TUBGCP5: variants seen among roughly 807,000 people sequenced by gnomAD.
TUBGCP5 encodes tubulin gamma complex component 5, also known as gamma-tubulin complex component 5.
A neutral mutation model predicts 134.7 loss-of-function variants in TUBGCP5; 98 were observed. The ratio of observed to expected loss-of-function variants is 0.73; its 90% CI spans 0.62 to 0.86. TUBGCP5 has a LOEUF of 0.86. Ranked by LOEUF, TUBGCP5 falls within the 40% of genes least tolerant of loss-of-function variation. The probability of loss-of-function intolerance (pLI) is 0.00; values close to 1 mark genes in which losing one functional copy is unlikely to be tolerated. For synonymous variants in TUBGCP5, 456 were observed against 431.4 expected, an observed-to-expected ratio of 1.06 and a Z score of -0.71; for missense variants, 1,150 against 1,244.8, an observed-to-expected ratio of 0.92 and a Z score of 1.15.
rs530030789 is a variant in TUBGCP5, at chr15:23,005,042, T to C, written c.2712+390A>G. Among the ~76,000 whole-genome samples, 52 of 152,346 alleles carry C rather than the reference T, an allele frequency of 3.4e-4. 3 individuals carry two copies. In the South Asian group the frequency reaches 9.5e-3, roughly 28 times the overall value. On this transcript the variant is annotated intron_variant, in intron 19 of 22. Transcript: ENST00000615383. Reference sequence around the variant, plus strand: ...TTCTTGTTTTTAAGAAAAAAGTCTATAACCTGGCTGCATCTTCCTCCCACA... The same window carrying C: ...TTCTTGTTTTTAAGAAAAAAGTCTACAACCTGGCTGCATCTTCCTCCCACA...
chr15:23,010,627 C>A (rs2064978918), intron 14 of TUBGCP5, among the ~76,000 whole-genome samples: 1 of 152,118 alleles, frequency 6.6e-6, no homozygotes, highest in African/African-American at 2.4e-5. Context: ...CCACAAACGA[C>A]ATGGAATCCA....
chr15:23,025,059 G>A (rs1219141272), intron 8 of TUBGCP5, among the ~76,000 whole-genome samples: 2 of 152,052 alleles, frequency 1.3e-5, no homozygotes, highest in African/African-American at 4.8e-5. Flanking sequence ...ATGTCACCAT[G>A]CCTGGCTAAT....
intron 20 of TUBGCP5, 47 bp from the exon 21 acceptor site, chr15:23,003,200 C>A (rs1464485957): frequency 6.5e-7 from 1 of 1,548,266 alleles, no homozygotes; most frequent in Non-Finnish European, 8.9e-7. Flanking sequence ...TAGGTTTGGA[C>A]ACTGATACCA....
At chr15:23,033,958 C>T (rs2066450262) in intron 3 of TUBGCP5, among the ~76,000 whole-genome samples, 1 of 152,130 alleles carries the variant, frequency 6.6e-6, no homozygotes, top group Non-Finnish European at 1.5e-5. Flanking sequence ...TGTGGGAATG[C>T]ATTAACTCAG....
At chr15:23,037,271 G>T in intron 1 of TUBGCP5, 119 bp from the exon 2 acceptor site, 1 of 947,150 alleles carries the variant, frequency 1.1e-6, no homozygotes. Context: ...CCAGAATGGA[G>T]TGTACCTTGT....
At chr15:23,030,314 C>T (rs964289226) in intron 6 of TUBGCP5, among the ~76,000 whole-genome samples, 2 of 152,122 alleles carry the variant, frequency 1.3e-5, no homozygotes, top group African/African-American at 4.8e-5. Flanking sequence ...ATAAAAAAGT[C>T]TGTCTGTTTC....
intron 23 of TUBGCP5, among the ~76,000 whole-genome samples, chr15:22,991,057 A>G (rs2063829509): frequency 6.6e-6 from 1 of 152,156 alleles, no homozygotes. Flanking sequence ...GTAATGTGTT[A>G]CAGCAGCCAC....
chr15:23,026,840 C>T (rs906486009), intron 7 of TUBGCP5, among the ~76,000 whole-genome samples: 5 of 151,970 alleles, frequency 3.3e-5, no homozygotes, highest in South Asian at 4.2e-4. Flanking sequence ...GGCTGAAGGA[C>T]GACAATTGCT....
chr15:23,026,047 T>C (rs2065963049), intron 8 of TUBGCP5, 69 bp downstream of exon 8: 4 of 1,328,866 alleles, frequency 3.0e-6, no homozygotes, highest in Non-Finnish European at 4.2e-6. Context: ...AAAGTTTCCT[T>C]TAATAAAAGT....
chr15:23,012,153 C>G (rs10162894), intron 13 of TUBGCP5, among the ~76,000 whole-genome samples: 26,302 of 149,636 alleles, frequency 0.18, 3,285 homozygotes, highest in East Asian at 0.5. Context: ...TCCTAATCAG[C>G]ACACTTGAAA....
rs2065143427 is a variant in TUBGCP5, at chr15:23,013,359, A to C, written c.1757-2028T>G. On this transcript the variant is annotated intron_variant, in intron 13 of 22. Coordinates refer to ENST00000615383, the MANE Select transcript of TUBGCP5 (RefSeq NM_052903.6). The surrounding 1 kb of genome is among the most constrained non-coding windows in gnomAD (Gnocchi z 4.5). ...TCCCAGCTGCTGGGGAGGCTGAGGC[A>C]GGAGAGAACCCAGGAGGCGAAGTTC... Among the ~76,000 whole-genome samples the C allele has an allele frequency of 1.3e-5, 2 of 151,744 alleles. No individual in the cohort carries two copies. Among genetic ancestry groups the C allele is most frequent in the South Asian group, 4.2e-4 (2 of 4,782 alleles).
At chr15:22,993,171 C>T (rs1327095319) in intron 23 of TUBGCP5, among the ~76,000 whole-genome samples, 11 of 149,486 alleles carry the variant, frequency 7.4e-5, no homozygotes, top group Non-Finnish European at 5.9e-5. Context: ...GTGATCTCAG[C>T]TCACTGCAAC....
At chr15:23,008,589 A>G (rs1198094917) in intron 16 of TUBGCP5, 110 bp downstream of exon 16, 14 of 1,329,492 alleles carry the variant, frequency 1.1e-5, no homozygotes, top group Non-Finnish European at 1.5e-5. Flanking sequence ...TAATATTAGT[A>G]AAACTCATAG....
At chr15:23,020,038 G>A (rs1333073529) in intron 11 of TUBGCP5, among the ~76,000 whole-genome samples, 1 of 152,106 alleles carries the variant, frequency 6.6e-6, no homozygotes, top group Non-Finnish European at 1.5e-5. Flanking sequence ...CAGCACTTTG[G>A]GAGGCTGAGG....
chr15:23,016,283 A>T (rs1365880843), intron 13 of TUBGCP5, among the ~76,000 whole-genome samples: 1 of 152,230 alleles, frequency 6.6e-6, no homozygotes, highest in Non-Finnish European at 1.5e-5. Context: ...ACTTGAGGTC[A>T]GGAGTTCGAG....
intron 20 of TUBGCP5, 33 bp downstream of exon 20, chr15:23,004,069 A>C (rs1407886350): frequency 1.3e-6 from 2 of 1,584,496 alleles, no homozygotes; most frequent in South Asian, 2.3e-5. Flanking sequence ...CTCGCCCAGC[A>C]GTGGCCACAT....
At chr15:23,033,154 T>C (rs560581069) in intron 3 of TUBGCP5, among the ~76,000 whole-genome samples, 1 of 152,334 alleles carries the variant, frequency 6.6e-6, no homozygotes, top group Non-Finnish European at 1.5e-5. Context: ...TGGCAATATG[T>C]ATCATGAAGG....
At chr15:22,993,933 G>A (rs1350316866) in intron 23 of TUBGCP5, among the ~76,000 whole-genome samples, 2 of 151,700 alleles carry the variant, frequency 1.3e-5, no homozygotes, top group African/African-American at 2.4e-5. Flanking sequence ...CGCCTGCCTC[G>A]GCCTCCCAAA....
downstream of TUBGCP5, among the ~76,000 whole-genome samples, chr15:22,994,747 T>C (rs531392326): frequency 6.6e-6 from 1 of 152,324 alleles, no homozygotes; most frequent in African/African-American, 2.4e-5. Context: ...GGGTGATAAG[T>C]TGTTTAACAT....
Sources: allele counts gnomAD v4.1 joint callset (sites outside exome capture counted in the v4.1 genomes callset), GRCh38; gene constraint gnomAD v4.1.1; non-coding constraint Gnocchi (gnomAD v3.1); transcripts MANE v1.5; gene names NCBI Gene and HGNC (gene_info 2026-07-23, HGNC 2026-07-21).